GRM7: variants seen among roughly 807,000 people sequenced by gnomAD.
GRM7 encodes glutamate metabotropic receptor 7.
GRM7 carries 35 observed loss-of-function variants against 84.5 expected under a neutral mutation model. The ratio of observed to expected loss-of-function variants is 0.41; its 90% CI spans 0.32 to 0.55. The LOEUF (loss-of-function observed/expected upper bound fraction) is 0.55. Ranked by LOEUF, GRM7 falls within the 20% of genes least tolerant of loss-of-function variation. The pLI is 0.19. For synonymous variants in GRM7, 487 were observed against 455.1 expected, an observed-to-expected ratio of 1.07 and a Z score of -0.89; for missense variants, 1,003 against 1,194.6, an observed-to-expected ratio of 0.84 and a Z score of 2.36.
At chr3:7,402,915 C>T (rs2125160875) in intron 4 of GRM7, 1 of 153,698 alleles carries the variant, frequency 6.5e-6, no homozygotes, top group East Asian at 1.9e-4. Flanking sequence ...GTGGCTGAAT[C>T]TGTGATTAGG....
chr3:7,168,826 A>G (rs1238069469), intron 2 of GRM7, among the ~76,000 whole-genome samples: 3 of 152,168 alleles, frequency 2.0e-5, no homozygotes, highest in Non-Finnish European at 4.4e-5. Context: ...CAACTTCTCT[A>G]TGAAAGGATT....
chr3:7,251,963 T>C (rs1387027639), intron 2 of GRM7, among the ~76,000 whole-genome samples: 1 of 152,156 alleles, frequency 6.6e-6, no homozygotes, highest in African/African-American at 2.4e-5. Context: ...AACAAAGCCT[T>C]TTTTCCAATT....
intron 1 of GRM7, among the ~76,000 whole-genome samples, chr3:6,872,345 TGC>T (rs1022497528): frequency 6.6e-6 from 1 of 152,224 alleles, no homozygotes; most frequent in African/African-American, 2.4e-5. Context: ...CAAGCTTGCA[TGC>T]TCCATTTCTC....
At chr3:6,973,255 CTCAA>C (rs1243121741) in intron 1 of GRM7, among the ~76,000 whole-genome samples, 4 of 152,170 alleles carry the variant, frequency 2.6e-5, no homozygotes, top group Non-Finnish European at 4.4e-5. Flanking sequence ...CCTAATGGCA[CTCAA>C]TCATTCATTC....
chr3:7,062,849 G>C (rs1166591290), intron 1 of GRM7, among the ~76,000 whole-genome samples: 1 of 151,748 alleles, frequency 6.6e-6, no homozygotes, highest in African/African-American at 2.4e-5. Context: ...TATCTTAGCT[G>C]TGCCTGTTCA....
intron 2 of GRM7, among the ~76,000 whole-genome samples, chr3:7,160,421 C>G (rs1694587978): frequency 6.6e-6 from 1 of 152,142 alleles, no homozygotes; most frequent in South Asian, 2.1e-4. Flanking sequence ...CAGTTTCGTC[C>G]TTGTTTTGGC....
chr3:7,367,374 T>G (rs1388178401), intron 4 of GRM7, among the ~76,000 whole-genome samples: 1 of 151,906 alleles, frequency 6.6e-6, no homozygotes, highest in East Asian at 1.9e-4. Flanking sequence ...GAGGGTATTT[T>G]GTTTGTAAGA....
intron 1 of GRM7, among the ~76,000 whole-genome samples, chr3:6,866,381 T>A (rs1248348555): frequency 6.6e-6 from 1 of 152,122 alleles, no homozygotes; most frequent in South Asian, 2.1e-4. Context: ...TAAAAGTCTG[T>A]AATCTTTTTT....
At chr3:7,081,135 G>C (rs930567877) in intron 1 of GRM7, among the ~76,000 whole-genome samples, 2 of 151,968 alleles carry the variant, frequency 1.3e-5, no homozygotes, top group South Asian at 4.1e-4. Flanking sequence ...TAGGATATAA[G>C]TACAGGCATA....
At chr3:7,066,807 C>A (rs1042984168) in intron 1 of GRM7, among the ~76,000 whole-genome samples, 3 of 151,832 alleles carry the variant, frequency 2.0e-5, no homozygotes, top group Non-Finnish European at 4.4e-5. Flanking sequence ...CAAAGCATAT[C>A]AAAAAGATAA....
intron 2 of GRM7, among the ~76,000 whole-genome samples, chr3:7,245,472 C>T (rs1697723956): frequency 1.3e-5 from 2 of 151,588 alleles, no homozygotes; most frequent in African/African-American, 2.4e-5. Flanking sequence ...ATATGAGAAA[C>T]AAAGCCATAA....
chr3:7,301,590 T>G (rs1277738658), intron 3 of GRM7, among the ~76,000 whole-genome samples: 2 of 152,164 alleles, frequency 1.3e-5, no homozygotes, highest in African/African-American at 4.8e-5. Flanking sequence ...TTGCAAGTAA[T>G]GTGAGTTTTT....
chr3:7,132,839 C>T (rs940751671), intron 1 of GRM7, among the ~76,000 whole-genome samples: 2 of 152,150 alleles, frequency 1.3e-5, no homozygotes, highest in African/African-American at 4.8e-5. Flanking sequence ...GTTAAGTGCA[C>T]TTTATTGTTC....
chr3:7,063,750 G>C (rs1574852278), intron 1 of GRM7, among the ~76,000 whole-genome samples: 1 of 151,746 alleles, frequency 6.6e-6, no homozygotes, highest in South Asian at 2.1e-4. Context: ...CTATTCCAAT[G>C]GAGTGTTGTA....
chr3:6,923,785 G>T (rs2125035333), intron 1 of GRM7, among the ~76,000 whole-genome samples: 1 of 150,968 alleles, frequency 6.6e-6, no homozygotes, highest in South Asian at 2.1e-4. Flanking sequence ...ATTTTGTCAT[G>T]ATGTTTCTTC....
chr3:7,006,221 T>A (rs926270669), intron 1 of GRM7, among the ~76,000 whole-genome samples: 3 of 152,224 alleles, frequency 2.0e-5, no homozygotes, highest in Non-Finnish European at 2.9e-5. Context: ...CATAGCCTTA[T>A]CATTTTTAGA....
At chr3:7,492,814 C>G (rs1002032072) in intron 7 of GRM7, among the ~76,000 whole-genome samples, 1 of 152,060 alleles carries the variant, frequency 6.6e-6, no homozygotes, top group Non-Finnish European at 1.5e-5. Context: ...TTAATGTAGT[C>G]ATTTAATCAT....
At chr3:6,916,294 T>A (rs1374525202) in intron 1 of GRM7, among the ~76,000 whole-genome samples, 1 of 151,988 alleles carries the variant, frequency 6.6e-6, no homozygotes, top group African/African-American at 2.4e-5. Context: ...GTCACACAAA[T>A]GTAAAATATA....
intron 1 of GRM7, among the ~76,000 whole-genome samples, chr3:7,129,710 T>C (rs1263928415): frequency 6.6e-6 from 1 of 152,152 alleles, no homozygotes; most frequent in Non-Finnish European, 1.5e-5. Flanking sequence ...AGAATGGAAT[T>C]GACATTCTAG....
Sources: allele counts gnomAD v4.1 joint callset (sites outside exome capture counted in the v4.1 genomes callset), GRCh38; gene constraint gnomAD v4.1.1; transcripts MANE v1.5; gene names NCBI Gene and HGNC (gene_info 2026-07-23, HGNC 2026-07-21).